EIF4G3: variants seen among roughly 807,000 people sequenced by gnomAD.
EIF4G3 encodes the protein eIF-4-gamma 3.
Under a neutral mutation model 186.4 loss-of-function variants are expected in EIF4G3, and 34 were observed. The ratio of observed to expected loss-of-function variants is 0.18; its 90% CI spans 0.14 to 0.24. EIF4G3 has a LOEUF of 0.24. Ranked by LOEUF, EIF4G3 falls within the 10% of genes least tolerant of loss-of-function variation. EIF4G3 has a pLI of 1.00. For synonymous variants in EIF4G3, 673 were observed against 679.5 expected (o/e 0.99, Z 0.15); for missense variants, 1,536 against 1,948.5 (o/e 0.79, Z 3.99).
intron 2 of EIF4G3, among the ~76,000 whole-genome samples, chr1:21,172,392 C>G (rs909135363): frequency 5.3e-5 from 8 of 152,128 alleles, no homozygotes; most frequent in African/African-American, 1.7e-4. Flanking sequence ...ACCAAAAGGA[C>G]CAAGTTCTTT....
At chr1:20,843,037 A>G (rs943560596) in intron 29 of EIF4G3, among the ~76,000 whole-genome samples, 1 of 151,758 alleles carries the variant, frequency 6.6e-6, no homozygotes, top group Non-Finnish European at 1.5e-5. Context: ...GTAAAGATGG[A>G]TATCTTGCCC....
intron 2 of EIF4G3, among the ~76,000 whole-genome samples, chr1:21,162,617 C>T (rs767484707): frequency 6.6e-6 from 1 of 151,972 alleles, no homozygotes; most frequent in Non-Finnish European, 1.5e-5. Flanking sequence ...GTGGTGCACA[C>T]CTGTAATGCC....
At chr1:20,818,451 C>T (rs1055545913) in intron 33 of EIF4G3, among the ~76,000 whole-genome samples, 1 of 152,102 alleles carries the variant, frequency 6.6e-6, no homozygotes, top group African/African-American at 2.4e-5. Context: ...CCAGCCTGGG[C>T]AACATGGCAA....
chr1:20,848,736 G>C (rs1026858453), intron 29 of EIF4G3, among the ~76,000 whole-genome samples: 11 of 151,966 alleles, frequency 7.2e-5, no homozygotes, highest in African/African-American at 2.7e-4. Flanking sequence ...ATATGAGAAT[G>C]ATAACAGAAT....
At chr1:21,163,613 T>A (rs2097800273) in intron 2 of EIF4G3, among the ~76,000 whole-genome samples, 1 of 152,178 alleles carries the variant, frequency 6.6e-6, no homozygotes, top group Non-Finnish European at 1.5e-5. Flanking sequence ...ACTGAAGAGT[T>A]TTTTTGTGGA....
At chr1:21,133,194 G>C (rs916874037) in intron 2 of EIF4G3, among the ~76,000 whole-genome samples, 1 of 151,810 alleles carries the variant, frequency 6.6e-6, no homozygotes, top group African/African-American at 2.4e-5. Context: ...TCACAGATAG[G>C]GCTGGGTTCA....
intron 2 of EIF4G3, among the ~76,000 whole-genome samples, chr1:21,114,666 T>A (rs890864423): frequency 6.6e-6 from 1 of 152,236 alleles, no homozygotes; most frequent in Non-Finnish European, 1.5e-5. Flanking sequence ...CTTCCCATTT[T>A]ATCACACAGA....
chr1:21,094,806 A>AATAAT (rs1557933309), intron 2 of EIF4G3, among the ~76,000 whole-genome samples: 1 of 117,688 alleles, frequency 8.5e-6, no homozygotes, highest in Non-Finnish European at 1.9e-5. Context: ...ATAATAATAA[A>AATAAT]AGCCAGGATT....
intron 3 of EIF4G3, among the ~76,000 whole-genome samples, chr1:21,080,482 TTAAA>T (rs2095740400): frequency 6.6e-6 from 1 of 152,040 alleles, no homozygotes; most frequent in South Asian, 2.1e-4. Context: ...AAGAAGTAAT[TTAAA>T]TAATTTATAG....
chr1:20,865,375 T>G, intron 20 of EIF4G3, 113 bp from the exon 21 acceptor site: 1 of 1,151,164 alleles, frequency 8.7e-7, no homozygotes, highest in Admixed American at 2.7e-5. Flanking sequence ...GTAAGCATTC[T>G]ATAAGAGGCA....
chr1:20,840,807 G>A (rs773899462), intron 30 of EIF4G3, 49 bp downstream of exon 30: 1 of 1,552,286 alleles, frequency 6.4e-7, no homozygotes, highest in South Asian at 1.2e-5. Flanking sequence ...AAATTAACTG[G>A]TACCCAAGAG....
chr1:20,952,850 C>A (rs962245859), intron 12 of EIF4G3, among the ~76,000 whole-genome samples: 1 of 134,990 alleles, frequency 7.4e-6, no homozygotes. Flanking sequence ...GGCTCCGTCT[C>A]GAAAACAAGC....
intron 14 of EIF4G3, among the ~76,000 whole-genome samples, chr1:20,919,129 G>A (rs544895455): frequency 8.6e-4 from 130 of 151,800 alleles, no homozygotes; most frequent in African/African-American, 2.9e-3. Context: ...CTTTTTAACC[G>A]ACAGGTATTT....
At position 20,849,710 on chromosome 1, in the gene EIF4G3, T is replaced by G. The variant is rs550812497; in HGVS notation, c.3773-180A>C. Among the ~76,000 whole-genome samples the G allele has an allele frequency of 1.2e-4, 18 of 152,336 alleles. No individual in the cohort carries two copies. In the East Asian group the frequency reaches 3.5e-3, roughly 29 times the overall value. ...AATAGATTCGCACTAAGTAACTTTA[T>G]AATCTACAATAACAATGAACAAGAT... is the stretch of plus-strand genomic sequence containing the variant. On this transcript the variant is annotated intron_variant, in intron 28 of 36. Transcript: ENST00000602326.
intron 24 of EIF4G3, among the ~76,000 whole-genome samples, chr1:20,858,822 C>T (rs2075680885): frequency 6.6e-6 from 1 of 152,140 alleles, no homozygotes; most frequent in Admixed American, 6.5e-5. Flanking sequence ...TGGTGAAACC[C>T]TGTCTCTACT....
At chr1:20,835,196 C>T (rs2066382708) in intron 30 of EIF4G3, among the ~76,000 whole-genome samples, 2 of 152,160 alleles carry the variant, frequency 1.3e-5, no homozygotes, top group South Asian at 4.1e-4. Context: ...AATGGAAACA[C>T]AACATACCGA....
intron 12 of EIF4G3, among the ~76,000 whole-genome samples, chr1:20,962,200 T>C (rs546573424): frequency 6.6e-6 from 1 of 152,140 alleles, no homozygotes; most frequent in Non-Finnish European, 1.5e-5. Flanking sequence ...CCCCACACAG[T>C]TGAAAATCTG....
At chr1:21,038,855 G>T (rs567157301) in intron 4 of EIF4G3, among the ~76,000 whole-genome samples, 1 of 152,106 alleles carries the variant, frequency 6.6e-6, no homozygotes, top group Non-Finnish European at 1.5e-5. Flanking sequence ...CTTAGAAAAA[G>T]AATGTTGTGT....
At chr1:21,105,378 C>G (rs1206626774) in intron 2 of EIF4G3, among the ~76,000 whole-genome samples, 1 of 151,142 alleles carries the variant, frequency 6.6e-6, no homozygotes, top group South Asian at 2.1e-4. Flanking sequence ...TGCAGTGAGC[C>G]GCGATTGCGC....
Sources: gnomAD v4.1 joint callset for allele counts (sites outside exome capture counted in the v4.1 genomes callset) on GRCh38, gnomAD v4.1.1 for gene constraint, MANE v1.5 for transcripts, NCBI Gene and HGNC (gene_info 2026-07-23, HGNC 2026-07-21) for gene names.